RPS6KC1: variants seen among roughly 807,000 people sequenced by gnomAD.
RPS6KC1 encodes ribosomal protein S6 kinase C1.
A neutral mutation model predicts 103.8 loss-of-function variants in RPS6KC1; 54 were observed. That is an observed-to-expected ratio of 0.52 (90% confidence interval 0.42 to 0.65). The LOEUF (loss-of-function observed/expected upper bound fraction) is 0.65, where lower values mean the gene tolerates loss of function less well. RPS6KC1 is among the 30% of genes least tolerant of loss of function. The pLI is 0.00. For missense variants in RPS6KC1, 1,151 were observed against 1,253.8 expected, an observed-to-expected ratio of 0.92 and a Z score of 1.24; for synonymous variants, 439 against 438.7, an observed-to-expected ratio of 1.00 and a Z score of -0.01.
chr1:213,445,296 T>G, the RPS6KC1 span, among the ~76,000 whole-genome samples: 1 of 152,240 alleles, frequency 6.6e-6, no homozygotes, highest in Admixed American at 6.5e-5. Context: ...GAACATTTCA[T>G]GTACAAGTCT....
At chr1:213,448,020 G>C in the RPS6KC1 span, among the ~76,000 whole-genome samples, 1 of 151,954 alleles carries the variant, frequency 6.6e-6, no homozygotes, top group Non-Finnish European at 1.5e-5. Context: ...GATTGCTTGA[G>C]GCCAGGAGTT....
At chr1:213,643,341 T>TA in the RPS6KC1 span, among the ~76,000 whole-genome samples, 2 of 152,022 alleles carry the variant, frequency 1.3e-5, no homozygotes, top group East Asian at 3.9e-4. Flanking sequence ...GTCCTTTTTT[T>TA]AATGAAGGTT....
the RPS6KC1 span, among the ~76,000 whole-genome samples, chr1:213,426,957 G>T: frequency 6.6e-6 from 1 of 152,176 alleles, no homozygotes; most frequent in Non-Finnish European, 1.5e-5. Context: ...CTGTCTAATA[G>T]AACTTTGAGT....
chr1:213,378,332 C>T, the RPS6KC1 span, among the ~76,000 whole-genome samples: 46 of 152,334 alleles, frequency 3.0e-4, no homozygotes, highest in African/African-American at 1.0e-3. Context: ...AATGGGTCCT[C>T]CTTATGGGAC....
intron 8 of RPS6KC1, among the ~76,000 whole-genome samples, chr1:213,212,249 A>G (rs911620214): frequency 6.6e-6 from 1 of 151,972 alleles, no homozygotes; most frequent in Non-Finnish European, 1.5e-5. Context: ...CCCTGCCAAC[A>G]TGTGGTAACC....
the RPS6KC1 span, among the ~76,000 whole-genome samples, chr1:213,444,630 A>G: frequency 6.6e-5 from 10 of 151,016 alleles, no homozygotes; most frequent in African/African-American, 2.4e-4. Context: ...GGTGGTGTGC[A>G]CCTGTAATTC....
intron 4 of RPS6KC1, among the ~76,000 whole-genome samples, chr1:213,109,285 C>T (rs1272846792): frequency 2.0e-5 from 3 of 152,128 alleles, no homozygotes; most frequent in East Asian, 1.9e-4. Context: ...GACAGGCGCC[C>T]GCCAGCACGC....
the RPS6KC1 span, among the ~76,000 whole-genome samples, chr1:213,692,481 C>T: frequency 1.4e-4 from 21 of 151,898 alleles, no homozygotes; most frequent in Non-Finnish European, 2.6e-4. Flanking sequence ...GAGATTCAAG[C>T]GTATGGTTTG....
intron 1 of RPS6KC1, among the ~76,000 whole-genome samples, chr1:213,064,368 C>CTT (rs558717936): frequency 7.5e-5 from 9 of 120,688 alleles, no homozygotes; most frequent in South Asian, 2.7e-4. Flanking sequence ...AATTTGTGAA[C>CTT]TTTTTTTTTT....
the RPS6KC1 span, among the ~76,000 whole-genome samples, chr1:213,286,806 C>T: frequency 6.6e-6 from 1 of 152,140 alleles, no homozygotes; most frequent in African/African-American, 2.4e-5. Flanking sequence ...TGTAGTATTG[C>T]CAGACACCAC....
chr1:213,452,250 C>G, the RPS6KC1 span, among the ~76,000 whole-genome samples: 1 of 151,764 alleles, frequency 6.6e-6, no homozygotes, highest in Admixed American at 6.6e-5. Context: ...GCAAAACAGA[C>G]TCGGGCTTTG....
chr1:213,808,872 C>T, the RPS6KC1 span, among the ~76,000 whole-genome samples: 8 of 152,358 alleles, frequency 5.3e-5, no homozygotes, highest in Admixed American at 2.0e-4. Flanking sequence ...TCTTCTGCAT[C>T]GCTCACGCTG....
At chr1:213,575,019 G>C in the RPS6KC1 span, among the ~76,000 whole-genome samples, 1 of 152,100 alleles carries the variant, frequency 6.6e-6, no homozygotes, top group Non-Finnish European at 1.5e-5. Flanking sequence ...AGTGAGGTGT[G>C]GTGGTTGGGA....
the RPS6KC1 span, among the ~76,000 whole-genome samples, chr1:213,497,711 TAAAC>T: frequency 6.6e-6 from 1 of 152,062 alleles, no homozygotes; most frequent in Admixed American, 6.6e-5. Context: ...GAATTAATTT[TAAAC>T]AAATAAAAGA....
the RPS6KC1 span, among the ~76,000 whole-genome samples, chr1:213,340,352 C>T: frequency 4.1e-4 from 63 of 152,214 alleles, no homozygotes; most frequent in East Asian, 2.5e-3. Flanking sequence ...GTTTCTAATT[C>T]GGGGTCTTAA....
chr1:213,764,448 G>A, the RPS6KC1 span, among the ~76,000 whole-genome samples: 2 of 152,146 alleles, frequency 1.3e-5, no homozygotes, highest in African/African-American at 4.8e-5. Flanking sequence ...CCCTCTTTTA[G>A]GTTGTCCCTG....
chr1:213,775,581 G>T, the RPS6KC1 span, among the ~76,000 whole-genome samples: 2 of 152,138 alleles, frequency 1.3e-5, no homozygotes. Context: ...GCTAAAAAAT[G>T]CTAATGATCA....
At chr1:213,592,497 A>G in the RPS6KC1 span, among the ~76,000 whole-genome samples, 1 of 152,208 alleles carries the variant, frequency 6.6e-6, no homozygotes, top group South Asian at 2.1e-4. Flanking sequence ...GGAGCTGAGT[A>G]CTTTTGCCCT....
intron 11 of RPS6KC1, 94 bp from the exon 12 acceptor site, chr1:213,242,475 A>G (rs911343477): frequency 1.6e-5 from 18 of 1,150,686 alleles, no homozygotes; most frequent in Non-Finnish European, 2.2e-5. Flanking sequence ...TCTTAATGAT[A>G]CTGTTTTTAG....
Sources: allele counts gnomAD v4.1 joint callset (sites outside exome capture counted in the v4.1 genomes callset), GRCh38; gene constraint gnomAD v4.1.1; transcripts MANE v1.5; gene names NCBI Gene and HGNC (gene_info 2026-07-23, HGNC 2026-07-21).